RIPOR2: variants seen among roughly 807,000 people sequenced by gnomAD.
The protein encoded by RIPOR2 is rho family-interacting cell polarization regulator 2.
RIPOR2 carries 39 observed loss-of-function variants against 114.5 expected under a neutral mutation model. The observed-to-expected ratio is 0.34, with a 90% CI of 0.26 to 0.44. The LOEUF is 0.44. Ranked by LOEUF, RIPOR2 falls within the 20% of genes least tolerant of loss-of-function variation. RIPOR2 has a pLI of 1.00. For synonymous variants in RIPOR2, 445 were observed against 484.4 expected, an observed-to-expected ratio of 0.92 and a Z score of 1.07; for missense variants, 1,007 against 1,255.1, an observed-to-expected ratio of 0.80 and a Z score of 2.99.
chr6:24,956,634 A>T (rs1193385889), intron 1 of RIPOR2, among the ~76,000 whole-genome samples: 1 of 152,086 alleles, frequency 6.6e-6, no homozygotes, highest in African/African-American at 2.4e-5. Context: ...GAATTTAAGT[A>T]ATCTGTTTGA....
intron 1 of RIPOR2, among the ~76,000 whole-genome samples, chr6:25,030,773 A>T (rs925189187): frequency 1.3e-5 from 2 of 150,606 alleles, no homozygotes; most frequent in African/African-American, 4.9e-5. Flanking sequence ...ATCTCGGTTC[A>T]CTGCAACCTC....
At chr6:24,893,155 C>T (rs978611753) in intron 1 of RIPOR2, among the ~76,000 whole-genome samples, 105 of 152,302 alleles carry the variant, frequency 6.9e-4, no homozygotes, top group African/African-American at 2.2e-3. Context: ...CCAAAGGGAT[C>T]GATCAAGCAT....
chr6:25,005,694 G>GATAGAT (rs1554130520), intron 1 of RIPOR2, among the ~76,000 whole-genome samples: 6 of 45,386 alleles, frequency 1.3e-4, no homozygotes, highest in East Asian at 1.5e-3. Context: ...TCCCTATGGA[G>GATAGAT]ATATATATAT....
At chr6:24,920,401 T>C (rs1770392003) in intron 1 of RIPOR2, among the ~76,000 whole-genome samples, 1 of 152,310 alleles carries the variant, frequency 6.6e-6, no homozygotes, top group South Asian at 2.1e-4. Flanking sequence ...TACAGAACAC[T>C]GCTTCCCAGG....
At chr6:24,980,526 C>T (rs1283030175) in intron 1 of RIPOR2, among the ~76,000 whole-genome samples, 1 of 152,210 alleles carries the variant, frequency 6.6e-6, no homozygotes, top group Non-Finnish European at 1.5e-5. Context: ...TTCCATCTCT[C>T]TCCTTGCTCT....
In RIPOR2 at chr6:24,842,922, C is replaced by T. The variant is rs1369579124; in HGVS notation, c.1797G>A (p.Glu599=). Reference sequence around the variant, plus strand: ...TCAGATCCTGAAACTCTTTATACTGCTCTTTATGTGGTTCTAATGCAAGTA... The same window carrying T: ...TCAGATCCTGAAACTCTTTATACTGTTCTTTATGTGGTTCTAATGCAAGTA... ...GLLLALEPHK[E]QYKEFQDLNQ... The change falls in exon 13 of 22, where the codon GAG becomes GAA. Residue 599 remains glutamate (E), a synonymous_variant. Transcript: ENST00000643898. 1.5e-5 allele frequency: 23 copies of T among 1,511,178 alleles called. No homozygotes were observed. Among genetic ancestry groups the T allele is most frequent in the South Asian group, 2.7e-5 (2 of 73,470 alleles). 93.6% of individuals were successfully genotyped at this position (1,511,178 alleles called of 1,614,324 possible).
intron 1 of RIPOR2, among the ~76,000 whole-genome samples, chr6:24,921,657 C>CCG (rs1770505775): frequency 6.6e-6 from 1 of 151,486 alleles, no homozygotes; most frequent in Non-Finnish European, 1.5e-5. Flanking sequence ...TATCGCCCCC[C>CCG]CCGACCCTGA....
rs1489039879 is a variant in RIPOR2 at position 24,866,269 on chromosome 6, T to A, written c.502-819A>T. 2.0e-5 allele frequency among the ~76,000 whole-genome samples: 3 copies of A among 152,346 alleles called. No homozygotes were observed. The East Asian group carries it at 5.8e-4, about 29-fold the overall frequency. On this transcript the variant is annotated intron_variant, in intron 6 of 21. Coordinates refer to ENST00000643898, the MANE Select transcript of RIPOR2 (RefSeq NM_001286445.3). ...CTTTTCTTTTGCTACACATCTACAC[T>A]TATGCTTCTAAATAATAACAATATA...
Position 24,990,340 on chromosome 6 carries a change from T to C in RIPOR2, c.76+51511A>G, listed in dbSNP as rs893722722. On this transcript the variant is annotated intron_variant, in intron 1 of 13. Transcript: ENST00000510784. ...ACATCATTGATAGTGCTTCTAATGA[T>C]GTAGAAAAGATAAATCAGCAAATAA... 3.3e-5 allele frequency among the ~76,000 whole-genome samples: 5 copies of C among 152,332 alleles called. No homozygotes were observed. In the East Asian group the frequency reaches 7.7e-4, roughly 24 times the overall value.
chr6:24,843,595 T>C (rs1310079673), intron 12 of RIPOR2, 41 bp from the exon 13 acceptor site: 2 of 1,354,134 alleles, frequency 1.5e-6, no homozygotes, highest in Non-Finnish European at 2.0e-6. Flanking sequence ...TCAATACAAA[T>C]GATGCATTTG....
At chr6:24,993,013 T>G (rs1212045451) in intron 1 of RIPOR2, among the ~76,000 whole-genome samples, 1 of 152,196 alleles carries the variant, frequency 6.6e-6, no homozygotes, top group East Asian at 1.9e-4. Flanking sequence ...AAGACAAATT[T>G]GTTTGTTGTT....
Position 25,014,785 on chromosome 6 carries a change from C to A in RIPOR2, c.76+27066G>T, listed in dbSNP as rs149928951. Among the ~76,000 whole-genome samples, 43 of 152,240 alleles carry A rather than the reference C, an allele frequency of 2.8e-4. No individual in the cohort carries two copies. The East Asian group carries it at 8.1e-3, about 29-fold the overall frequency. ...TGATCGAAAGTTGTGTGTAACATGG[C>A]ACAAATTATTATGAGTTGAAATTTT... is the stretch of plus-strand genomic sequence containing the variant. On this transcript the variant is annotated intron_variant, in intron 1 of 13. Transcript: ENST00000510784.
intron 13 of RIPOR2, chr6:24,840,307 C>A: frequency 9.6e-7 from 1 of 1,042,676 alleles, no homozygotes; most frequent in South Asian, 3.3e-5. Flanking sequence ...TGACAAGAAG[C>A]AGCCCTGCTT....
chr6:24,958,200 G>T (rs1257199226), intron 1 of RIPOR2, among the ~76,000 whole-genome samples: 1 of 152,140 alleles, frequency 6.6e-6, no homozygotes, highest in Non-Finnish European at 1.5e-5. Context: ...AATAACTATG[G>T]TTATTATAGT....
intron 13 of RIPOR2, 69 bp from the exon 14 acceptor site, chr6:24,839,341 C>A (rs1761405377): frequency 6.8e-7 from 1 of 1,467,856 alleles, no homozygotes; most frequent in South Asian, 1.4e-5. Flanking sequence ...ACACGATGCT[C>A]AATTGGAGAT....
chr6:24,963,754 G>A (rs1273452284), intron 1 of RIPOR2, among the ~76,000 whole-genome samples: 1 of 151,898 alleles, frequency 6.6e-6, no homozygotes, highest in African/African-American at 2.4e-5. Flanking sequence ...GAATGTGTGT[G>A]TGTGTGTATT....
chr6:24,990,813 C>A (rs1477927251), intron 1 of RIPOR2, among the ~76,000 whole-genome samples: 1 of 152,094 alleles, frequency 6.6e-6, no homozygotes, highest in Non-Finnish European at 1.5e-5. Flanking sequence ...ATGGATGGGC[C>A]AGGAGAATCC....
chr6:24,865,264 T>C (rs1381507228), intron 7 of RIPOR2, 37 bp downstream of exon 7: 3 of 1,561,338 alleles, frequency 1.9e-6, no homozygotes, highest in Admixed American at 1.8e-5. Context: ...CCAGGCCAGA[T>C]GGGATTCGGC....
intron 1 of RIPOR2, among the ~76,000 whole-genome samples, chr6:24,906,523 G>T (rs1272498967): frequency 6.6e-6 from 1 of 152,148 alleles, no homozygotes; most frequent in East Asian, 1.9e-4. Context: ...TAATAATTAT[G>T]CTGCAACAAC....
Sources: gnomAD v4.1 joint callset for allele counts (sites outside exome capture counted in the v4.1 genomes callset) on GRCh38, gnomAD v4.1.1 for gene constraint, MANE v1.5 for transcripts, NCBI Gene and HGNC (gene_info 2026-07-23, HGNC 2026-07-21) for gene names.